Variants in PPP4R2 observed in about 807,000 individuals in gnomAD.
PPP4R2 encodes the protein serine/threonine-protein phosphatase 4 regulatory subunit 2.
PPP4R2 carries 13 observed loss-of-function variants against 47.2 expected under a neutral mutation model. That is an observed-to-expected ratio of 0.28 (90% CI 0.18 to 0.44). The LOEUF is 0.44. Among genes scored for constraint, PPP4R2 ranks in the 20% least tolerant of loss-of-function variants. The pLI is 1.00. For synonymous variants in PPP4R2, 151 were observed against 163.3 expected (o/e 0.92, Z 0.57); for missense variants, 421 against 491.2 (o/e 0.86, Z 1.35).
At chr3:73,041,385 T>A (rs1575870413) in intron 2 of PPP4R2, among the ~76,000 whole-genome samples, 2 of 152,268 alleles carry the variant, frequency 1.3e-5, no homozygotes, top group Admixed American at 1.3e-4. Flanking sequence ...GTTTTCTTAC[T>A]TTTGCAGATC....
At chr3:73,014,497 G>T (rs929662059) in intron 2 of PPP4R2, among the ~76,000 whole-genome samples, 7 of 152,020 alleles carry the variant, frequency 4.6e-5, no homozygotes, top group Non-Finnish European at 7.4e-5. Flanking sequence ...CAGGCTGGTT[G>T]CCCAGGCTGG....
intron 3 of PPP4R2, among the ~76,000 whole-genome samples, chr3:73,051,029 C>G (rs1273639320): frequency 6.6e-6 from 1 of 152,176 alleles, no homozygotes; most frequent in Non-Finnish European, 1.5e-5. Flanking sequence ...ATTCTCCTGC[C>G]TCAGCCTCCC....
chr3:73,044,402 T>G (rs917722141), intron 2 of PPP4R2, among the ~76,000 whole-genome samples: 1 of 152,080 alleles, frequency 6.6e-6, no homozygotes, highest in African/African-American at 2.4e-5. Flanking sequence ...CTGGCCAACA[T>G]GGTGAAACCC....
intron 2 of PPP4R2, among the ~76,000 whole-genome samples, chr3:73,016,754 T>TTTTTTA (rs58597470): frequency 7.5e-6 from 1 of 133,510 alleles, no homozygotes; most frequent in African/African-American, 2.7e-5. Context: ...TTTTTTTTTT[T>TTTTTTA]AATACAGAGT....
At chr3:73,050,930 T>C (rs1472634272) in intron 3 of PPP4R2, among the ~76,000 whole-genome samples, 1 of 152,194 alleles carries the variant, frequency 6.6e-6, no homozygotes. Context: ...TATTTTTTTC[T>C]GGAGACAGAG....
intron 2 of PPP4R2, among the ~76,000 whole-genome samples, chr3:73,034,018 G>C (rs1056678996): frequency 2.0e-5 from 3 of 152,200 alleles, no homozygotes; most frequent in African/African-American, 7.2e-5. Context: ...GTTCCCATCA[G>C]CAGTGCCCAT....
At chr3:73,017,627 T>C (rs1309832984) in intron 2 of PPP4R2, among the ~76,000 whole-genome samples, 1 of 152,224 alleles carries the variant, frequency 6.6e-6, no homozygotes, top group Non-Finnish European at 1.5e-5. Context: ...GAGGACTCTG[T>C]TCCTTATGTA....
chr3:73,015,925 A>G (rs1575847640), intron 2 of PPP4R2: 2 of 280,592 alleles, frequency 7.1e-6, no homozygotes, highest in Admixed American at 4.2e-5. Flanking sequence ...GACGTGAACT[A>G]CTGCACCCGC....
In PPP4R2 at chr3:73,066,239, C is replaced by CATACATATATATATATATATATAT. The variant is rs1553652539; in HGVS notation, c.*520_*521insCATATATATATATATATATATATA. On this transcript the variant is annotated 3_prime_UTR_variant, in exon 9 of 9. Coordinates refer to ENST00000356692, the MANE Select transcript of PPP4R2 (RefSeq NM_174907.4). ...TGGAACTTTAAGTCATATATACATA[C>CATACATATATATATATATATATAT]ATATATATATATATATATATATAAT... 56 of 134,102 alleles carry CATACATATATATATATATATATAT rather than the reference C, an allele frequency of 4.2e-4. No individual in the cohort carries two copies. Among genetic ancestry groups the CATACATATATATATATATATATAT allele is most frequent in the African/African-American group, 1.2e-3 (43 of 36,570 alleles). 8.3% of individuals were successfully genotyped at this position (134,102 alleles called of 1,614,324 possible).
At chr3:73,047,006 G>GA (rs1264206521) in intron 2 of PPP4R2, among the ~76,000 whole-genome samples, 180 bp from the exon 3 acceptor site, 5 of 152,140 alleles carry the variant, frequency 3.3e-5, no homozygotes, top group African/African-American at 1.2e-4. Flanking sequence ...ATAGCATCAG[G>GA]ATGGAGCTTG....
Position 73,057,270 on chromosome 3 carries a change from A to G in PPP4R2, c.288-1767A>G, listed in dbSNP as rs147611417. On this transcript the variant is annotated intron_variant, in intron 3 of 8. Transcript: ENST00000356692. Reference sequence around the variant, plus strand: ...TTTTGTGTATTAGCTATAGATTTCTAATGGTTGTCTTTATAGGAATGAAAC... The same window carrying G: ...TTTTGTGTATTAGCTATAGATTTCTGATGGTTGTCTTTATAGGAATGAAAC... Among the ~76,000 whole-genome samples the G allele has an allele frequency of 5.1e-3, 784 of 152,242 alleles. 7 individuals carry two copies. The highest frequency in any genetic ancestry group is 0.018 in the African/African-American group (755 of 41,568).
At chr3:73,051,645 G>C (rs948031707) in intron 3 of PPP4R2, among the ~76,000 whole-genome samples, 5 of 152,062 alleles carry the variant, frequency 3.3e-5, no homozygotes, top group African/African-American at 9.7e-5. Context: ...TTTGGTTTTC[G>C]AGATGGAGTC....
chr3:73,006,282 C>T (rs1200472813), intron 2 of PPP4R2, among the ~76,000 whole-genome samples: 3 of 150,034 alleles, frequency 2.0e-5, no homozygotes, highest in Non-Finnish European at 4.4e-5. Context: ...TCACTGCAAC[C>T]TCTGCCTCCA....
rs190532246 is a variant in PPP4R2 at position 73,046,363 on chromosome 3, A to G, written c.117-823A>G. Among the ~76,000 whole-genome samples, 814 of 152,254 alleles carry G rather than the reference A, an allele frequency of 5.3e-3. 5 individuals carry two copies. Among genetic ancestry groups the G allele is most frequent in the African/African-American group, 0.019 (775 of 41,536 alleles). ...TTGTGTAAATTTGTTTAAGTAGTCAACCTGTGTAAAGAGATTGATCTGCTG... is the reference window on the plus strand; with the variant it reads ...TTGTGTAAATTTGTTTAAGTAGTCAGCCTGTGTAAAGAGATTGATCTGCTG... On this transcript the variant is annotated intron_variant, in intron 2 of 8. Coordinates refer to ENST00000356692, the MANE Select transcript of PPP4R2 (RefSeq NM_174907.4).
At chr3:73,059,696 T>C (rs1702802826) in intron 4 of PPP4R2, among the ~76,000 whole-genome samples, 1 of 151,832 alleles carries the variant, frequency 6.6e-6, no homozygotes, top group African/African-American at 2.4e-5. Context: ...TCCAGCACTT[T>C]GGGAGGCTGA....
chr3:72,996,805 C>A (rs941391654), upstream of PPP4R2: 3 of 378,436 alleles, frequency 7.9e-6, no homozygotes, highest in African/African-American at 4.2e-5. Context: ...CGCGCGGTGA[C>A]GTACCGGGCG....
chr3:73,042,632 G>T (rs942193751), intron 2 of PPP4R2, among the ~76,000 whole-genome samples: 2 of 151,780 alleles, frequency 1.3e-5, no homozygotes, highest in African/African-American at 4.8e-5. Flanking sequence ...CAAAGTGCTG[G>T]GATTACATCC....
chr3:73,062,403 A>G, intron 5 of PPP4R2: 1 of 1,607,804 alleles, frequency 6.2e-7, no homozygotes, highest in Non-Finnish European at 8.5e-7. Context: ...AAAAGCAGCC[A>G]AGTCTATGCT....
Position 73,066,672 on chromosome 3 carries a change from G to C in PPP4R2, c.*950G>C, listed in dbSNP as rs1455429132. 1 of 152,028 alleles carries C rather than the reference G, an allele frequency of 6.6e-6. No individual in the cohort carries two copies. The highest frequency in any genetic ancestry group is 1.5e-5 in the Non-Finnish European group (1 of 67,938). 9.4% of individuals were successfully genotyped at this position (152,028 alleles called of 1,614,324 possible). On this transcript the variant is annotated 3_prime_UTR_variant, in exon 9 of 9. Transcript: ENST00000356692. ...CCTTTTGCTTGCTTTTCTGAACATT[G>C]TGAATATTACACATGTCTTTCTAAA...
Sources: allele counts gnomAD v4.1 joint callset (sites outside exome capture counted in the v4.1 genomes callset), GRCh38; gene constraint gnomAD v4.1.1; transcripts MANE v1.5; gene names NCBI Gene and HGNC (gene_info 2026-07-23, HGNC 2026-07-21).